EED: variants seen among roughly 807,000 people sequenced by gnomAD.
EED encodes the protein embryonic ectoderm development.
In EED, 9 loss-of-function variants were observed where a neutral mutation model predicts 61.0. That is an observed-to-expected ratio of 0.15 (90% CI 0.09 to 0.26). The LOEUF (loss-of-function observed/expected upper bound fraction) is 0.26. Among genes scored for constraint, EED ranks in the 10% least tolerant of loss-of-function variants. EED has a pLI of 1.00. For missense variants in EED, 315 were observed against 542.3 expected (o/e 0.58, Z 4.16); for synonymous variants, 187 against 174.4 (o/e 1.07, Z -0.57).
chr11:86,263,928 A>G (rs796574262), intron 6 of EED: 20 of 468,722 alleles, frequency 4.3e-5, no homozygotes, highest in African/African-American at 3.9e-4. Flanking sequence ...AGCTCACACC[A>G]CTATTGCATT....
chr11:86,265,667 A>G (rs1945956484), intron 7 of EED: 1 of 152,420 alleles, frequency 6.6e-6, no homozygotes, highest in Admixed American at 6.5e-5. Flanking sequence ...TTAAGGATTC[A>G]TGTATTTTCA....
At chr11:86,281,680 G>T (rs1256608047), downstream of EED, among the ~76,000 whole-genome samples, 1 of 152,126 alleles carries the variant, frequency 6.6e-6, no homozygotes, top group Non-Finnish European at 1.5e-5. Context: ...TTGCTATGTT[G>T]TTCAGGCTTA....
At chr11:86,247,905 G>A (rs1945430799) in intron 1 of EED, among the ~76,000 whole-genome samples, 1 of 152,196 alleles carries the variant, frequency 6.6e-6, no homozygotes, top group South Asian at 2.1e-4. Flanking sequence ...TACATTTATT[G>A]TGTTACCTGC....
intron 8 of EED, 24 bp downstream of exon 8, chr11:86,266,240 A>G: frequency 2.6e-6 from 4 of 1,565,128 alleles, no homozygotes; most frequent in Non-Finnish European, 3.5e-6. Flanking sequence ...TATTTGAAAC[A>G]ATTTGCTATG....
In EED at chr11:86,255,213, T is replaced by C; in HGVS notation, c.361-9T>C. The C allele has an allele frequency of 6.3e-7, 1 of 1,599,182 alleles. No homozygotes were observed. The highest frequency in any genetic ancestry group is 1.1e-5 in the South Asian group (1 of 89,364). Reference sequence around the variant, plus strand: ...GAGATGAAATTTACTGTATTTTTATTTTCATTAGGTTACCTTGTATGAATG... The same window carrying C: ...GAGATGAAATTTACTGTATTTTTATCTTCATTAGGTTACCTTGTATGAATG... On this transcript the variant is annotated splice_polypyrimidine_tract_variant and intron_variant, in intron 3 of 11. Transcript: ENST00000263360.
At position 86,278,585 on chromosome 11, in the gene EED, G is replaced by A; in HGVS notation, c.*60G>A. The A allele has an allele frequency of 1.9e-6, 3 of 1,584,998 alleles. No individual in the cohort carries two copies. In the South Asian group the frequency reaches 3.4e-5, roughly 18 times the overall value. ...GTTGTCTGTGTAAAATAGAATTAAT[G>A]TATCTTGCTAGTAAGGGCACGTAGA... is the stretch of plus-strand genomic sequence containing the variant. On this transcript the variant is annotated 3_prime_UTR_variant, in exon 12 of 12. Coordinates refer to ENST00000263360, the MANE Select transcript of EED (RefSeq NM_003797.5).
At chr11:86,259,273 A>G (rs947251960) in intron 6 of EED, among the ~76,000 whole-genome samples, 1 of 123,344 alleles carries the variant, frequency 8.1e-6, no homozygotes, top group African/African-American at 2.7e-5. Context: ...AAGTGATACT[A>G]TCAAGAAAGT....
At chr11:86,276,868 A>T in intron 9 of EED, 112 bp from the exon 10 acceptor site, 1 of 911,942 alleles carries the variant, frequency 1.1e-6, no homozygotes, top group Non-Finnish European at 1.5e-6. Context: ...TAGATGGATT[A>T]ACCAGGTTCT....
intron 2 of EED, 127 bp downstream of exon 2, chr11:86,250,575 AG>A (rs1945506584): frequency 7.0e-6 from 8 of 1,141,214 alleles, no homozygotes; most frequent in Non-Finnish European, 9.1e-6. Flanking sequence ...TGTTTTCTGA[AG>A]GGTTTTTTTT....
At chr11:86,263,772 TCATGCTGAATCGTCTCAG>T (rs1467236334) in intron 6 of EED, among the ~76,000 whole-genome samples, 2 of 152,198 alleles carry the variant, frequency 1.3e-5, no homozygotes, top group Admixed American at 6.5e-5. Context: ...GTGAGAGCCT[TCATGCTGAATCGTCTCAG>T]CAAAAGGGCA....
intron 1 of EED, among the ~76,000 whole-genome samples, chr11:86,247,625 A>AT (rs914141246): frequency 2.6e-5 from 4 of 152,092 alleles, no homozygotes; most frequent in Admixed American, 6.5e-5. Flanking sequence ...TTAAGATGCA[A>AT]TTTTTTTTCC....
At chr11:86,250,589 T>TTG in intron 2 of EED, 141 bp downstream of exon 2, 1 of 855,902 alleles carries the variant, frequency 1.2e-6, no homozygotes, top group Non-Finnish European at 1.6e-6. Flanking sequence ...TTTTTTTTTT[T>TTG]GTAGTTCAGA....
At chr11:86,245,410 G>T (rs961290326) in intron 1 of EED, 67 bp downstream of exon 1, 3 of 1,315,950 alleles carry the variant, frequency 2.3e-6, no homozygotes, top group Non-Finnish European at 1.1e-6. Context: ...AAAACGGGGG[G>T]CGCGGGGACG....
chr11:86,286,800 G>A, the EED span, among the ~76,000 whole-genome samples: 11 of 151,644 alleles, frequency 7.3e-5, no homozygotes, highest in South Asian at 2.1e-4. Context: ...GTGAAACCCC[G>A]TCTCTACTAA....
chr11:86,277,257 T>C, intron 10 of EED, 119 bp downstream of exon 10: 3 of 939,988 alleles, frequency 3.2e-6, no homozygotes, highest in South Asian at 2.7e-5. Flanking sequence ...ATGTTTTGTA[T>C]TGATTACTTT....
chr11:86,260,697 G>C (rs927361552), intron 6 of EED, among the ~76,000 whole-genome samples: 3 of 152,058 alleles, frequency 2.0e-5, no homozygotes, highest in Admixed American at 6.6e-5. Context: ...TATGGTGAAG[G>C]GAAAAGCTAG....
downstream of EED, among the ~76,000 whole-genome samples, chr11:86,280,692 G>T (rs1946313732): frequency 6.6e-6 from 1 of 152,152 alleles, no homozygotes; most frequent in African/African-American, 2.4e-5. Flanking sequence ...CTTCATACAT[G>T]TATACAATGT....
intron 4 of EED, among the ~76,000 whole-genome samples, chr11:86,256,087 C>T (rs1041252808): frequency 6.6e-6 from 1 of 152,148 alleles, no homozygotes; most frequent in African/African-American, 2.4e-5. Flanking sequence ...TTGTTTTGAA[C>T]ACAACCATGC....
At chr11:86,273,223 A>C (rs997544003) in intron 9 of EED, among the ~76,000 whole-genome samples, 2 of 152,062 alleles carry the variant, frequency 1.3e-5, no homozygotes, top group Non-Finnish European at 2.9e-5. Context: ...GGATCTTGCT[A>C]TGTTGCTCAG....
Sources: allele counts gnomAD v4.1 joint callset (sites outside exome capture counted in the v4.1 genomes callset), GRCh38; gene constraint gnomAD v4.1.1; transcripts MANE v1.5; gene names NCBI Gene and HGNC (gene_info 2026-07-23, HGNC 2026-07-21).